Variants in TDRD5 observed in about 807,000 individuals in gnomAD.
The protein encoded by TDRD5 is tudor domain-containing protein 5.
Under a neutral mutation model 120.6 loss-of-function variants are expected in TDRD5, and 41 were observed. That is an observed-to-expected ratio of 0.34 (90% CI 0.26 to 0.44). TDRD5 has a LOEUF of 0.44. Among genes scored for constraint, TDRD5 ranks in the 20% least tolerant of loss-of-function variants. TDRD5 has a pLI of 1.00. For synonymous variants in TDRD5, 430 were observed against 433.7 expected (o/e 0.99, Z 0.11); for missense variants, 1,006 against 1,221.2 (o/e 0.82, Z 2.63).
At chr1:179,629,044 A>G (rs4610966) in intron 6 of TDRD5, among the ~76,000 whole-genome samples, 36,472 of 152,022 alleles carry the variant, frequency 0.24, 4,907 homozygotes, top group East Asian at 0.35. Context: ...ATCACAGTTT[A>G]CCAAAATACA....
chr1:179,611,603 A>G (rs1289582144), intron 4 of TDRD5, among the ~76,000 whole-genome samples: 1 of 152,182 alleles, frequency 6.6e-6, no homozygotes, highest in Non-Finnish European at 1.5e-5. Flanking sequence ...AAAAAAATTA[A>G]TTATAATGTA....
At chr1:179,644,055 T>G (rs745587514) in intron 11 of TDRD5, among the ~76,000 whole-genome samples, 23 of 151,242 alleles carry the variant, frequency 1.5e-4, no homozygotes, top group Non-Finnish European at 2.9e-4. Context: ...TGGAATTCTA[T>G]ATCTAGTGAA....
intron 6 of TDRD5, among the ~76,000 whole-genome samples, chr1:179,626,092 T>C (rs914572328): frequency 1.3e-5 from 2 of 152,068 alleles, no homozygotes; most frequent in South Asian, 2.1e-4. Context: ...AGGGATAGCA[T>C]TGGGAGATAT....
At chr1:179,616,985 A>T (rs1176145763) in intron 4 of TDRD5, among the ~76,000 whole-genome samples, 1 of 152,202 alleles carries the variant, frequency 6.6e-6, no homozygotes, top group Non-Finnish European at 1.5e-5. Flanking sequence ...GGATGGAAAG[A>T]TCAGTTATAT....
chr1:179,599,021 G>T (rs936636695), intron 4 of TDRD5, among the ~76,000 whole-genome samples: 1 of 151,996 alleles, frequency 6.6e-6, no homozygotes, highest in Non-Finnish European at 1.5e-5. Context: ...CTTTTATCAG[G>T]TTGAGAAAAT....
At chr1:179,623,605 A>G (rs1676954335) in intron 6 of TDRD5, among the ~76,000 whole-genome samples, 1 of 148,774 alleles carries the variant, frequency 6.7e-6, no homozygotes, top group Non-Finnish European at 1.5e-5. Flanking sequence ...AAAATAGCAG[A>G]GAATATTCTC....
At chr1:179,655,807 G>A (rs1273749343) in intron 14 of TDRD5, among the ~76,000 whole-genome samples, 1 of 152,080 alleles carries the variant, frequency 6.6e-6, no homozygotes, top group African/African-American at 2.4e-5. Flanking sequence ...CTTTTCGATT[G>A]CTGAATAGTA....
intron 14 of TDRD5, among the ~76,000 whole-genome samples, chr1:179,655,844 T>G (rs933472477): frequency 1.3e-5 from 2 of 152,232 alleles, no homozygotes; most frequent in Non-Finnish European, 2.9e-5. Context: ...CACCACAGTT[T>G]GTATACCCAT....
At chr1:179,653,842 C>G (rs55835896) in intron 13 of TDRD5, among the ~76,000 whole-genome samples, 51,763 of 152,040 alleles carry the variant, frequency 0.34, 9,012 homozygotes, top group Admixed American at 0.42. Flanking sequence ...TGCATCTTCT[C>G]AGATGTCCTC....
At chr1:179,681,388 T>C (rs1680412039) in intron 17 of TDRD5, among the ~76,000 whole-genome samples, 1 of 152,232 alleles carries the variant, frequency 6.6e-6, no homozygotes, top group East Asian at 1.9e-4. Context: ...ACTTTTTAAA[T>C]ACATCGTAAA....
rs772265117 is a variant in TDRD5, at chr1:179,628,321, TTTC to T, written c.973-2443_973-2441del. 5.6e-3 allele frequency among the ~76,000 whole-genome samples: 334 copies of T among 59,632 alleles called. 6 individuals are homozygous for T. The highest frequency in any genetic ancestry group is 0.018 in the African/African-American group (323 of 17,830). The allele number at this position is 59,632 out of a possible 152,430, so 39.1% of individuals were successfully genotyped here. A position where few individuals can be genotyped will look rare whatever the true frequency, so the allele number is the denominator to read the frequency against. On this transcript the variant is annotated intron_variant, in intron 6 of 17. Coordinates refer to ENST00000444136, the MANE Select transcript of TDRD5 (RefSeq NM_001199085.3). ...AATTTATTTATTTCTTTTCTTTTCT[TTTC>T]TTTTTTTTTTTTTTTTTTTTTTTTT... is the stretch of plus-strand genomic sequence containing the variant.
chr1:179,615,733 C>G (rs1308413555), intron 4 of TDRD5, among the ~76,000 whole-genome samples: 1 of 151,788 alleles, frequency 6.6e-6, no homozygotes, highest in Non-Finnish European at 1.5e-5. Flanking sequence ...CCACTGCATT[C>G]AGTTTAAAGT....
Position 179,652,150 on chromosome 1 carries a change from G to A in TDRD5, c.2113G>A (p.Asp705Asn). 1 of 1,613,824 alleles carries A rather than the reference G, an allele frequency of 6.2e-7. No homozygotes were observed. Among genetic ancestry groups the A allele is most frequent in the Non-Finnish European group, 8.5e-7 (1 of 1,179,958 alleles). Reference protein sequence around the residue: ...YPSQQHYFNEDRKISPQSKES... With the variant: ...YPSQQHYFNENRKISPQSKES... ...TTCCCAGCAGCACTATTTTAATGAA[G>A]ACCGAAAGATAAGTCCACAGTCAAA... The change falls in exon 13 of 18, where the codon GAC becomes AAC. Residue 705 changes from aspartate to asparagine, a missense_variant. Asp to Asn is a conservative substitution (Grantham distance 23). Coordinates refer to ENST00000444136, the MANE Select transcript of TDRD5 (RefSeq NM_001199085.3).
In TDRD5 at chr1:179,638,658, G is replaced by A. The variant is rs542122860; in HGVS notation, c.1521-1181G>A. On this transcript the variant is annotated intron_variant, in intron 9 of 17. Transcript: ENST00000444136. ...AGAATAGTGTGTTGTCCCTGTTCAC[G>A]TGGTCTTGGGTGTGGCTGACCACTA... Among the ~76,000 whole-genome samples the A allele has an allele frequency of 3.5e-4, 45 of 127,348 alleles. 12 individuals carry two copies. In the East Asian group the frequency reaches 7.7e-3, roughly 22 times the overall value. 83.5% of individuals were successfully genotyped at this position (127,348 alleles called of 152,430 possible). A position where few individuals can be genotyped will look rare whatever the true frequency, so the allele number is the denominator to read the frequency against.
At chr1:179,608,452 A>G (rs2101937982) in intron 4 of TDRD5, among the ~76,000 whole-genome samples, 1 of 150,084 alleles carries the variant, frequency 6.7e-6, no homozygotes, top group African/African-American at 2.5e-5. Flanking sequence ...CTCTTTCATT[A>G]CAATTCTCTT....
intron 6 of TDRD5, among the ~76,000 whole-genome samples, chr1:179,621,635 T>C (rs1435385682): frequency 6.6e-6 from 1 of 152,190 alleles, no homozygotes; most frequent in Non-Finnish European, 1.5e-5. Context: ...TGGAATTGTA[T>C]GTAGTAGTAT....
intron 4 of TDRD5, among the ~76,000 whole-genome samples, chr1:179,609,767 C>A (rs780035522): frequency 2.6e-5 from 4 of 152,132 alleles, no homozygotes; most frequent in Non-Finnish European, 5.9e-5. Flanking sequence ...TATTGTTCAG[C>A]CTGTTGCTTC....
At chr1:179,643,241 C>G (rs1165347378) in intron 11 of TDRD5, among the ~76,000 whole-genome samples, 1 of 152,052 alleles carries the variant, frequency 6.6e-6, no homozygotes, top group Admixed American at 6.6e-5. Flanking sequence ...TAAAACAAAT[C>G]ACTCTTGAGA....
chr1:179,673,547 T>C (rs933256608), intron 17 of TDRD5, among the ~76,000 whole-genome samples: 2 of 152,168 alleles, frequency 1.3e-5, no homozygotes, highest in African/African-American at 4.8e-5. Context: ...CATCAATCAA[T>C]ATATGTAAGA....
Sources: allele counts gnomAD v4.1 joint callset (sites outside exome capture counted in the v4.1 genomes callset), GRCh38; gene constraint gnomAD v4.1.1; transcripts MANE v1.5; gene names NCBI Gene and HGNC (gene_info 2026-07-23, HGNC 2026-07-21).